The following FARS2 variants were observed in gnomAD, a reference collection of about 807,000 sequenced individuals.
FARS2 encodes phenylalanine--tRNA ligase, mitochondrial.
A neutral mutation model predicts 46.4 loss-of-function variants in FARS2; 40 were observed. The observed-to-expected ratio is 0.86, with a 90% CI of 0.67 to 1.12. FARS2 has a LOEUF of 1.12. Ranked by LOEUF, FARS2 falls within the 50% of genes most tolerant of loss-of-function variation. FARS2 has a pLI of 0.00. For missense variants in FARS2, 513 were observed against 567.9 expected (o/e 0.90, Z 0.98); for synonymous variants, 234 against 214.9 (o/e 1.09, Z -0.78).
chr6:5,757,137 TC>T (rs1450968440), intron 6 of FARS2, among the ~76,000 whole-genome samples: 5 of 151,822 alleles, frequency 3.3e-5, no homozygotes, highest in Non-Finnish European at 7.3e-5. Flanking sequence ...TATGTTTCTC[TC>T]CAGTGCCCCA....
At chr6:5,466,978 C>A in intron 4 of FARS2, 1 of 985,372 alleles carries the variant, frequency 1.0e-6, no homozygotes, top group Non-Finnish European at 1.2e-6. Flanking sequence ...GGCACATATT[C>A]TTCAGTTCGT....
At chr6:5,607,654 A>T (rs1259764989) in intron 5 of FARS2, among the ~76,000 whole-genome samples, 1 of 152,106 alleles carries the variant, frequency 6.6e-6, no homozygotes, top group Non-Finnish European at 1.5e-5. Context: ...GAATTGCCAC[A>T]ACATCTCATT....
At chr6:5,616,543 C>G (rs1775488548) in intron 6 of FARS2, among the ~76,000 whole-genome samples, 1 of 152,136 alleles carries the variant, frequency 6.6e-6, no homozygotes, top group African/African-American at 2.4e-5. Flanking sequence ...AATGAGATAT[C>G]TTGGGGATGG....
rs1460919614 is a variant in FARS2, at chr6:5,630,461, T to C, written c.1217+17141T>C. Among the ~76,000 whole-genome samples, 10 of 152,216 alleles carry C rather than the reference T, an allele frequency of 6.6e-5. No individual in the cohort carries two copies. The highest frequency in any genetic ancestry group is 1.3e-4 in the Non-Finnish European group (9 of 68,040). ...CTTGTATTTATTCCACAAATGTTCATAACTAGAGAATACTTGATTTAATGG... is the reference window on the plus strand; with the variant it reads ...CTTGTATTTATTCCACAAATGTTCACAACTAGAGAATACTTGATTTAATGG... On this transcript the variant is annotated intron_variant, in intron 6 of 6. Transcript: ENST00000274680. The surrounding 1 kb of genome is among the most constrained non-coding windows in gnomAD (Gnocchi z 4.2).
At chr6:5,436,109 G>T (rs1304263614) in intron 4 of FARS2, among the ~76,000 whole-genome samples, 2 of 152,116 alleles carry the variant, frequency 1.3e-5, no homozygotes, top group South Asian at 4.1e-4. Flanking sequence ...TTCATAACAG[G>T]GGTACCGTGG....
At chr6:5,640,236 C>T (rs576098194) in intron 6 of FARS2, among the ~76,000 whole-genome samples, 5 of 152,008 alleles carry the variant, frequency 3.3e-5, no homozygotes, top group African/African-American at 1.2e-4. Flanking sequence ...CATTGAGTGC[C>T]CATTCTGTAT....
intron 2 of FARS2, among the ~76,000 whole-genome samples, chr6:5,378,395 G>GA (rs1015182122): frequency 6.6e-6 from 1 of 152,100 alleles, no homozygotes; most frequent in East Asian, 1.9e-4. Flanking sequence ...ATCCTTGTCA[G>GA]AAAAAACCGC....
At chr6:5,570,694 C>A (rs1055398354) in intron 5 of FARS2, among the ~76,000 whole-genome samples, 6 of 152,122 alleles carry the variant, frequency 3.9e-5, no homozygotes, top group Non-Finnish European at 8.8e-5. Context: ...AAAAGTGATG[C>A]CTCTGGGCAC....
At chr6:5,600,346 GA>G (rs1455374385) in intron 5 of FARS2, among the ~76,000 whole-genome samples, 1 of 152,162 alleles carries the variant, frequency 6.6e-6, no homozygotes, top group Non-Finnish European at 1.5e-5. Flanking sequence ...TGAAGTAACA[GA>G]ACAAAAGTTG....
chr6:5,390,478 A>G lies in FARS2; in HGVS notation c.613-14064A>G, dbSNP rs546581190. Among the ~76,000 whole-genome samples, 52 of 152,332 alleles carry G rather than the reference A, an allele frequency of 3.4e-4. 2 individuals are homozygous for G. The South Asian group carries it at 0.01, about 30-fold the overall frequency. Reference sequence around the variant, plus strand: ...AAGTTCTACTGTTACTTCAAGGATTATTTTGATTGTTTTCTATGACACATC... The same window carrying G: ...AAGTTCTACTGTTACTTCAAGGATTGTTTTGATTGTTTTCTATGACACATC... On this transcript the variant is annotated intron_variant, in intron 2 of 6. Transcript: ENST00000274680.
intron 1 of FARS2, among the ~76,000 whole-genome samples, chr6:5,280,240 T>C (rs1561928195): frequency 1.3e-5 from 2 of 152,236 alleles, no homozygotes; most frequent in African/African-American, 2.4e-5. Context: ...AATATCTTGA[T>C]TACTCATATG....
At chr6:5,295,273 A>T (rs1346566842) in intron 1 of FARS2, among the ~76,000 whole-genome samples, 9 of 152,242 alleles carry the variant, frequency 5.9e-5, no homozygotes, top group Non-Finnish European at 1.0e-4. Context: ...GGAAGAAATG[A>T]AAGGAGGTGA....
At chr6:5,631,957 C>T (rs1776311252) in intron 6 of FARS2, among the ~76,000 whole-genome samples, 1 of 152,104 alleles carries the variant, frequency 6.6e-6, no homozygotes, top group African/African-American at 2.4e-5. Context: ...TGTTGGTATG[C>T]TTCCTTGAGT....
chr6:5,434,785 C>A, intron 4 of FARS2, among the ~76,000 whole-genome samples: 1 of 130,410 alleles, frequency 7.7e-6, no homozygotes, highest in Non-Finnish European at 1.5e-5. Context: ...CCCTGCTCTT[C>A]CCCTCTCTTT....
chr6:5,751,104 C>T (rs1044775197), intron 6 of FARS2, among the ~76,000 whole-genome samples: 1 of 152,158 alleles, frequency 6.6e-6, no homozygotes, highest in African/African-American at 2.4e-5. Context: ...GGCCCAAACT[C>T]AGTCTTACAG....
intron 2 of FARS2, among the ~76,000 whole-genome samples, chr6:5,398,885 T>C (rs565604539): frequency 6.6e-6 from 1 of 152,262 alleles, no homozygotes; most frequent in African/African-American, 2.4e-5. Flanking sequence ...AAAGGTAGTT[T>C]CATAATTGTT....
At chr6:5,280,721 T>C (rs1766660352) in intron 1 of FARS2, among the ~76,000 whole-genome samples, 1 of 152,006 alleles carries the variant, frequency 6.6e-6, no homozygotes, top group Admixed American at 6.6e-5. Context: ...AAATAACGTC[T>C]CCTGTCCTAT....
chr6:5,333,138 T>C (rs1348203664), intron 1 of FARS2, among the ~76,000 whole-genome samples: 1 of 152,196 alleles, frequency 6.6e-6, no homozygotes, highest in Admixed American at 6.5e-5. Flanking sequence ...AATGGAGTTA[T>C]GGCAGTGAAA....
In FARS2 at chr6:5,644,243, G is replaced by A. The variant is rs148990515; in HGVS notation, c.1217+30923G>A. ...GCTTTTTTTTTCTTTTTTTGAGACA[G>A]GGTCTCACTCTGTCACCCAGGCTGG... On this transcript the variant is annotated intron_variant, in intron 6 of 6. Transcript: ENST00000274680. 3.2e-4 allele frequency among the ~76,000 whole-genome samples: 49 copies of A among 151,802 alleles called. No individual in the cohort carries two copies. In the East Asian group the frequency reaches 8.7e-3, roughly 27 times the overall value.
Sources: allele counts gnomAD v4.1 joint callset (sites outside exome capture counted in the v4.1 genomes callset), GRCh38; gene constraint gnomAD v4.1.1; non-coding constraint Gnocchi (gnomAD v3.1); transcripts MANE v1.5; gene names NCBI Gene and HGNC (gene_info 2026-07-23, HGNC 2026-07-21).